The following ARL6 variants were observed in gnomAD, a reference collection of about 807,000 sequenced individuals.
ARL6 encodes ADP-ribosylation factor-like protein 6.
In ARL6, 18 loss-of-function variants were observed where a neutral mutation model predicts 27.1. The observed-to-expected ratio is 0.66, with a 90% CI of 0.46 to 0.98. ARL6 has a LOEUF of 0.98. ARL6 is among the 50% of genes least tolerant of loss of function. The pLI is 0.00. For synonymous variants in ARL6, 65 were observed against 72.3 expected, an observed-to-expected ratio of 0.90 and a Z score of 0.51; for missense variants, 187 against 214.9, an observed-to-expected ratio of 0.87 and a Z score of 0.81.
At chr3:97,780,585 A>G in intron 3 of ARL6, 30 bp from the exon 4 acceptor site, 1 of 1,565,372 alleles carries the variant, frequency 6.4e-7, no homozygotes, top group Non-Finnish European at 8.8e-7. Context: ...TTTAGTTTAT[A>G]ATGTAGTCAT....
chr3:97,798,179 C>T lies in ARL6; in HGVS notation c.*130C>T, dbSNP rs2038092951. 4.2e-6 allele frequency: 4 copies of T among 942,980 alleles called. No individual in the cohort carries two copies. In the South Asian group the frequency reaches 5.9e-5, roughly 14 times the overall value. The allele number at this position is 942,980 out of a possible 1,614,324, so 58.4% of individuals were successfully genotyped here. ...TTCTGCTTGCATTTATGGACTCTGA[C>T]CTTTTTAAGAACATAGGACTTCAGG... On this transcript the variant is annotated 3_prime_UTR_variant, in exon 8 of 8. Transcript: ENST00000463745.
chr3:97,776,662 A>ATTT, intron 2 of ARL6, among the ~76,000 whole-genome samples: 1 of 147,910 alleles, frequency 6.8e-6, no homozygotes, highest in African/African-American at 2.5e-5. Context: ...TTATTTATTT[A>ATTT]TTTTTTTTTT....
chr3:97,794,773 T>C (rs2037919949), intron 7 of ARL6, among the ~76,000 whole-genome samples: 1 of 152,122 alleles, frequency 6.6e-6, no homozygotes, highest in African/African-American at 2.4e-5. Flanking sequence ...TTGGGGCTAA[T>C]TTAATATTAT....
rs774022490 is a variant in ARL6, at chr3:97,768,105, A to T, written c.-3A>T. On this transcript the variant is annotated 5_prime_UTR_variant, in exon 2 of 8. Transcript: ENST00000463745. ...GCTGGTTTGTAAATATTTGAATCACATTATGGGATTGCTAGACAGACTTTC... is the reference window on the plus strand; with the variant it reads ...GCTGGTTTGTAAATATTTGAATCACTTTATGGGATTGCTAGACAGACTTTC... The T allele has an allele frequency of 1.2e-6, 2 of 1,612,776 alleles. No individual in the cohort carries two copies. Among genetic ancestry groups the T allele is most frequent in the Non-Finnish European group, 1.7e-6 (2 of 1,178,964 alleles).
chr3:97,785,603 A>T (rs1041223589), intron 5 of ARL6, among the ~76,000 whole-genome samples: 4 of 151,948 alleles, frequency 2.6e-5, no homozygotes, highest in African/African-American at 9.7e-5. Context: ...GCATGTTTCT[A>T]TTCTCAGTTA....
intron 1 of ARL6, among the ~76,000 whole-genome samples, chr3:97,765,233 T>A (rs2036322065): frequency 7.0e-6 from 1 of 142,686 alleles, no homozygotes; most frequent in South Asian, 2.2e-4. Context: ...TGTGTGTGTG[T>A]GTGTGTGTGT....
chr3:97,767,906 G>A (rs139217117), intron 1 of ARL6, among the ~76,000 whole-genome samples, 175 bp from the exon 2 acceptor site: 25 of 152,218 alleles, frequency 1.6e-4, no homozygotes, highest in African/African-American at 4.8e-4. Context: ...TGTCAGTTAA[G>A]GCTCCTTTCT....
At chr3:97,774,171 T>A (rs1376331244) in intron 2 of ARL6, among the ~76,000 whole-genome samples, 3 of 152,212 alleles carry the variant, frequency 2.0e-5, no homozygotes, top group Admixed American at 1.3e-4. Flanking sequence ...GACTTAAAGG[T>A]AGGAGGAGCC....
chr3:97,778,612 G>C (rs2108024411), intron 2 of ARL6, among the ~76,000 whole-genome samples: 1 of 152,224 alleles, frequency 6.6e-6, no homozygotes, highest in East Asian at 1.9e-4. Context: ...GGAAGAATTG[G>C]GGAAGAGACT....
intron 6 of ARL6, among the ~76,000 whole-genome samples, chr3:97,790,719 G>A (rs1483898361): frequency 2.0e-5 from 3 of 151,848 alleles, no homozygotes; most frequent in Non-Finnish European, 4.4e-5. Flanking sequence ...CATGTTGTTT[G>A]TTTCTTTCTT....
intron 2 of ARL6, among the ~76,000 whole-genome samples, chr3:97,770,807 T>A (rs1008618406): frequency 1.8e-4 from 28 of 152,132 alleles, no homozygotes; most frequent in African/African-American, 6.8e-4. Context: ...CTTGGATGTC[T>A]TTTTGGAAAA....
rs1559664669 is a variant in ARL6 at position 97,765,214 on chromosome 3, GTGTGT to G, written c.-28+238_-28+242del. The stretch of plus-strand genomic sequence containing the variant: ...CAACTTAGACCCGTGTATTGGGGGT[GTGTGT>G]GTGTGTGTGTGTGTGTGTGTGTGTG... On this transcript the variant is annotated intron_variant, in intron 1 of 7. Transcript: ENST00000463745. Among the ~76,000 whole-genome samples, 184 of 24,032 alleles carry G rather than the reference GTGTGT, an allele frequency of 7.7e-3. 2 individuals are homozygous for G. Among genetic ancestry groups the G allele is most frequent in the African/African-American group, 0.046 (172 of 3,736 alleles). The allele number at this position is 24,032 out of a possible 152,430, so 15.8% of individuals were successfully genotyped here. A position where few individuals can be genotyped will look rare whatever the true frequency, so the allele number is the denominator to read the frequency against.
intron 4 of ARL6, among the ~76,000 whole-genome samples, chr3:97,783,608 G>C (rs1371270610): frequency 6.6e-6 from 1 of 151,732 alleles, no homozygotes; most frequent in Non-Finnish European, 1.5e-5. Context: ...TAGGTACTTT[G>C]ATTGTTCTGG....
chr3:97,783,592 T>A (rs115883838), intron 4 of ARL6, among the ~76,000 whole-genome samples: 456 of 151,970 alleles, frequency 3.0e-3, no homozygotes, highest in African/African-American at 0.011. Context: ...TTTTTATAGA[T>A]CTTGATAGGT....
chr3:97,795,250 G>A (rs1303506386), intron 7 of ARL6, among the ~76,000 whole-genome samples: 1 of 152,128 alleles, frequency 6.6e-6, no homozygotes, highest in African/African-American at 2.4e-5. Flanking sequence ...CTGCCAGAGA[G>A]TAAACAGAAA....
At chr3:97,768,316 G>A (rs578119445) in intron 2 of ARL6, 86 bp downstream of exon 2, 64 of 1,376,544 alleles carry the variant, frequency 4.6e-5, no homozygotes, top group African/African-American at 2.9e-4. Flanking sequence ...CGTTAAAACC[G>A]CATATAATCA....
At chr3:97,784,913 A>G in intron 4 of ARL6, 42 bp from the exon 5 acceptor site, 2 of 1,454,290 alleles carry the variant, frequency 1.4e-6, no homozygotes, top group Non-Finnish European at 1.9e-6. Flanking sequence ...GGAAAAATTT[A>G]TAAGTAAAGC....
intron 2 of ARL6, among the ~76,000 whole-genome samples, chr3:97,775,423 G>A (rs1327334394): frequency 6.7e-6 from 1 of 148,312 alleles, no homozygotes; most frequent in Non-Finnish European, 1.5e-5. Flanking sequence ...GTAGAAAGAT[G>A]TAGGCTGGGA....
chr3:97,794,177 T>TTGTGTG (rs370867493), intron 7 of ARL6, among the ~76,000 whole-genome samples: 10,764 of 137,326 alleles, frequency 0.078, 436 homozygotes, highest in African/African-American at 0.12. Context: ...TTTCTTTCTT[T>TTGTGTG]TGTGTGTGTG....
Sources: gnomAD v4.1 joint callset for allele counts (sites outside exome capture counted in the v4.1 genomes callset) on GRCh38, gnomAD v4.1.1 for gene constraint, MANE v1.5 for transcripts, NCBI Gene and HGNC (gene_info 2026-07-23, HGNC 2026-07-21) for gene names.